Variants in SSPN observed in about 807,000 individuals in gnomAD.
The protein encoded by SSPN is sarcospan.
A neutral mutation model predicts 19.1 loss-of-function variants in SSPN; 15 were observed. The ratio of observed to expected loss-of-function variants is 0.78; its 90% CI spans 0.52 to 1.21. The LOEUF is 1.21. SSPN is among the 50% of genes most tolerant of loss of function. The pLI is 0.00. For missense variants in SSPN, 291 were observed against 314.0 expected (o/e 0.93, Z 0.55); for synonymous variants, 147 against 140.3 (o/e 1.05, Z -0.34).
chr12:26,202,233 C>G (rs74075041), intron 1 of SSPN, among the ~76,000 whole-genome samples: 4,514 of 152,080 alleles, frequency 0.03, 229 homozygotes, highest in African/African-American at 0.1. Context: ...GTTTTTGATC[C>G]GTGGTTGATT....
intron 1 of SSPN, chr12:26,124,252 T>TTGG: frequency 1.1e-6 from 1 of 879,454 alleles, no homozygotes; most frequent in Non-Finnish European, 1.8e-6. Context: ...TACCCTCGTC[T>TTGG]GCCCCCCCCG....
At chr12:26,159,292 A>G (rs556311601) in intron 1 of SSPN, among the ~76,000 whole-genome samples, 1 of 152,356 alleles carries the variant, frequency 6.6e-6, no homozygotes, top group Non-Finnish European at 1.5e-5. Flanking sequence ...CTGCCCAGCA[A>G]ATTAATTTAG....
intron 1 of SSPN, among the ~76,000 whole-genome samples, chr12:26,130,799 C>T (rs1372708288): frequency 6.6e-6 from 1 of 152,160 alleles, no homozygotes; most frequent in Non-Finnish European, 1.5e-5. Context: ...CCACCAGCGT[C>T]TATCTGCAAG....
At chr12:26,204,219 G>A (rs1944910992) in intron 1 of SSPN, among the ~76,000 whole-genome samples, 2 of 152,238 alleles carry the variant, frequency 1.3e-5, no homozygotes, top group African/African-American at 2.4e-5. Flanking sequence ...TTCTGAGCCC[G>A]TAATCTGACA....
At chr12:26,171,554 T>G (rs866287593) in intron 1 of SSPN, among the ~76,000 whole-genome samples, 9 of 152,184 alleles carry the variant, frequency 5.9e-5, no homozygotes, top group Non-Finnish European at 7.4e-5. Flanking sequence ...GAAGGAGTTA[T>G]GAGAATCTAG....
intron 1 of SSPN, among the ~76,000 whole-genome samples, chr12:26,134,198 C>T (rs1944412705): frequency 6.6e-6 from 1 of 152,126 alleles, no homozygotes. Flanking sequence ...TTTTAATGTA[C>T]CCTGCTCTTG....
intron 1 of SSPN, among the ~76,000 whole-genome samples, chr12:26,123,445 G>C (rs999429941): frequency 2.6e-5 from 4 of 152,208 alleles, no homozygotes; most frequent in African/African-American, 9.7e-5. Context: ...TCTGCTGAAA[G>C]CCTCTAGGAT....
At chr12:26,221,309 T>C (rs1945118102) in intron 1 of SSPN, among the ~76,000 whole-genome samples, 1 of 152,228 alleles carries the variant, frequency 6.6e-6, no homozygotes, top group African/African-American at 2.4e-5. Flanking sequence ...TAGTCATTCC[T>C]TCTGGGTATT....
At position 26,195,770 on chromosome 12, in the gene SSPN, C is replaced by A; in HGVS notation, c.98C>A (p.Thr33Lys). The A allele has an allele frequency of 6.7e-7, 1 of 1,503,608 alleles. No individual in the cohort carries two copies. Among genetic ancestry groups the A allele is most frequent in the South Asian group, 1.3e-5 (1 of 79,712 alleles). 93.1% of individuals were successfully genotyped at this position (1,503,608 alleles called of 1,614,324 possible). The change falls in exon 1 of 3, where the codon ACG becomes AAG. Residue 33 changes from threonine (T) to lysine (K), a missense_variant. Thr to Lys is a moderately conservative substitution (Grantham distance 78). Around this residue, in one of 3 missense-constraint regions of SSPN, gnomAD observed 139 missense variants for 119.6 expected, o/e 1.16. Transcript: ENST00000242729. Reference protein sequence around the residue: ...GPDDMEPKKGTGAPKECGEEE... With the variant: ...GPDDMEPKKGKGAPKECGEEE... ...GACGACATGGAGCCGAAGAAGGGCA[C>A]GGGGGCCCCCAAGGAGTGCGGGGAG...
chr12:26,196,594 G>A (rs1254823895), intron 1 of SSPN, among the ~76,000 whole-genome samples: 1 of 152,216 alleles, frequency 6.6e-6, no homozygotes, highest in Non-Finnish European at 1.5e-5. Flanking sequence ...GTTCTAAGTT[G>A]AACAGTACTC....
intron 1 of SSPN, among the ~76,000 whole-genome samples, chr12:26,135,735 G>A (rs910402647): frequency 6.6e-6 from 1 of 152,132 alleles, no homozygotes; most frequent in Non-Finnish European, 1.5e-5. Flanking sequence ...ATCAAACTAC[G>A]TTTGCCAAAT....
intron 1 of SSPN, among the ~76,000 whole-genome samples, chr12:26,136,629 ATGAAT>A (rs1322148498): frequency 6.6e-6 from 1 of 152,228 alleles, no homozygotes; most frequent in Non-Finnish European, 1.5e-5. Flanking sequence ...AAAATAATTG[ATGAAT>A]TGAGTAACAT....
At chr12:26,174,983 G>A (rs990454827) in intron 1 of SSPN, among the ~76,000 whole-genome samples, 1 of 152,196 alleles carries the variant, frequency 6.6e-6, no homozygotes, top group Non-Finnish European at 1.5e-5. Context: ...CCAGCCATGG[G>A]TTTGTTTCCA....
chr12:26,140,378 G>A (rs1310125996), intron 1 of SSPN, among the ~76,000 whole-genome samples: 2 of 152,078 alleles, frequency 1.3e-5, no homozygotes, highest in Non-Finnish European at 2.9e-5. Flanking sequence ...AGCAAGTTCT[G>A]TTTCTTCTAT....
At chr12:26,147,932 T>C (rs1448981711) in intron 1 of SSPN, among the ~76,000 whole-genome samples, 1 of 152,226 alleles carries the variant, frequency 6.6e-6, no homozygotes. Context: ...GTTAGAAATA[T>C]TGTAGTTAAG....
chr12:26,218,122 G>A (rs1403027753), intron 1 of SSPN, among the ~76,000 whole-genome samples: 3 of 148,586 alleles, frequency 2.0e-5, no homozygotes, highest in South Asian at 2.2e-4. Flanking sequence ...ATACACCATG[G>A]AATACTATGC....
chr12:26,147,473 G>A (rs1944499687), intron 1 of SSPN, among the ~76,000 whole-genome samples: 1 of 152,140 alleles, frequency 6.6e-6, no homozygotes, highest in Non-Finnish European at 1.5e-5. Context: ...GTTTTACCAT[G>A]TTGGCCAGGT....
At chr12:26,122,911 G>GGGCGGCCGCGGACCC in intron 1 of SSPN, 1 of 1,549,112 alleles carries the variant, frequency 6.5e-7, no homozygotes, top group African/African-American at 1.4e-5. Context: ...TCCAGGCAGG[G>GGGCGGCCGCGGACCC]GGCGGCCGCG....
Position 26,214,850 on chromosome 12 carries a change from C to T in SSPN, c.280-9443C>T, listed in dbSNP as rs187949620. ...GAAGGGGATATCATTCATAATTCTA[C>T]CATATTTAAGCCCTATGTGATTAAC... On this transcript the variant is annotated intron_variant, in intron 1 of 2. Transcript: ENST00000242729. The T allele has an allele frequency of 6.6e-5, 10 of 150,702 alleles. No individual in the cohort carries two copies. The East Asian group carries it at 2.0e-3, about 30-fold the overall frequency. The allele number at this position is 150,702 out of a possible 1,614,324, so 9.3% of individuals were successfully genotyped here.
Sources: gnomAD v4.1 joint callset for allele counts (sites outside exome capture counted in the v4.1 genomes callset) on GRCh38, gnomAD v4.1.1 for gene constraint, gnomAD v4.1.1 regional missense constraint, MANE v1.5 for transcripts, NCBI Gene and HGNC (gene_info 2026-07-23, HGNC 2026-07-21) for gene names.